Variants in SNX29 observed in about 807,000 individuals in gnomAD.
The protein encoded by SNX29 is sorting nexin-29.
Under a neutral mutation model 102.1 loss-of-function variants are expected in SNX29, and 78 were observed. The observed-to-expected ratio is 0.76, with a 90% CI of 0.64 to 0.92. The LOEUF (loss-of-function observed/expected upper bound fraction) is 0.92. SNX29 is among the 40% of genes least tolerant of loss of function. The probability of loss-of-function intolerance (pLI) is 0.00; values close to 1 mark genes in which losing one functional copy is unlikely to be tolerated. For missense variants in SNX29, 1,280 were observed against 1,061.7 expected, an observed-to-expected ratio of 1.21 and a Z score of -2.86; for synonymous variants, 580 against 414.5, an observed-to-expected ratio of 1.40 and a Z score of -4.85.
intron 19 of SNX29, among the ~76,000 whole-genome samples, chr16:12,513,173 C>T (rs1243836993): frequency 6.6e-6 from 1 of 151,480 alleles, no homozygotes; most frequent in African/African-American, 2.4e-5. Context: ...CTCTCCCCTC[C>T]CTCCCATACC....
At chr16:12,210,137 C>T (rs1178598227) in intron 14 of SNX29, among the ~76,000 whole-genome samples, 2 of 152,190 alleles carry the variant, frequency 1.3e-5, no homozygotes, top group Admixed American at 6.5e-5. Flanking sequence ...CATCCCACTA[C>T]GTCGGCTACT....
intron 16 of SNX29, among the ~76,000 whole-genome samples, chr16:12,358,403 C>G (rs912502326): frequency 8.5e-5 from 13 of 152,168 alleles, no homozygotes; most frequent in African/African-American, 3.1e-4. Flanking sequence ...AACCCCGTCT[C>G]TACTAAAAAT....
chr16:12,558,710 T>C (rs975032063), intron 20 of SNX29, among the ~76,000 whole-genome samples: 1 of 152,116 alleles, frequency 6.6e-6, no homozygotes, highest in Admixed American at 6.5e-5. Context: ...ATCCCGTTTC[T>C]ACGGGGGGCT....
intron 10 of SNX29, among the ~76,000 whole-genome samples, chr16:12,076,476 T>G (rs2051579337): frequency 1.3e-5 from 2 of 152,156 alleles, no homozygotes; most frequent in African/African-American, 4.8e-5. Context: ...AATTTTTGTA[T>G]TTTTCAGTAG....
At chr16:12,322,552 G>C (rs916270649) in intron 15 of SNX29, among the ~76,000 whole-genome samples, 15 of 152,212 alleles carry the variant, frequency 9.9e-5, no homozygotes, top group African/African-American at 3.6e-4. Context: ...CAAAAATCAG[G>C]AACTTATTAA....
At chr16:12,339,761 G>A (rs2081558990) in intron 15 of SNX29, among the ~76,000 whole-genome samples, 1 of 152,224 alleles carries the variant, frequency 6.6e-6, no homozygotes, top group South Asian at 2.1e-4. Context: ...TTCTCTCCCA[G>A]TAGCTCTAAC....
intron 17 of SNX29, among the ~76,000 whole-genome samples, chr16:12,401,999 A>G (rs1221390112): frequency 1.3e-5 from 2 of 152,266 alleles, no homozygotes; most frequent in Non-Finnish European, 2.9e-5. Context: ...AATAAAAACC[A>G]GAGTGCTACT....
At chr16:12,230,204 A>G (rs1176175205) in intron 14 of SNX29, among the ~76,000 whole-genome samples, 3 of 152,366 alleles carry the variant, frequency 2.0e-5, no homozygotes, top group South Asian at 4.1e-4. Flanking sequence ...TTTGCCTGCA[A>G]ACTGTCTTGA....
intron 20 of SNX29, among the ~76,000 whole-genome samples, chr16:12,534,937 G>C (rs2077032309): frequency 6.6e-6 from 1 of 152,194 alleles, no homozygotes; most frequent in African/African-American, 2.4e-5. Context: ...TCACAGGATG[G>C]CCTCCTCCCT....
intron 13 of SNX29, among the ~76,000 whole-genome samples, chr16:12,153,521 T>TGGA (rs1417573647): frequency 6.6e-6 from 1 of 151,228 alleles, no homozygotes; most frequent in African/African-American, 2.4e-5. Flanking sequence ...TTGCCCAGGC[T>TGGA]GGAGTGCAGT....
intron 20 of SNX29, chr16:12,561,244 T>G (rs2078707495): frequency 4.4e-6 from 1 of 229,866 alleles, no homozygotes; most frequent in Admixed American, 5.7e-5. Context: ...GCAAGGCCAC[T>G]CCCTCCCACT....
At chr16:12,272,224 G>C (rs1001661169) in intron 14 of SNX29, among the ~76,000 whole-genome samples, 2 of 152,154 alleles carry the variant, frequency 1.3e-5, no homozygotes, top group Admixed American at 1.3e-4. Flanking sequence ...GTCCTAGAGG[G>C]GCTGGTGCCT....
intron 10 of SNX29, among the ~76,000 whole-genome samples, chr16:12,071,551 C>A (rs1223460685): frequency 1.3e-5 from 2 of 152,152 alleles, no homozygotes; most frequent in Non-Finnish European, 2.9e-5. Context: ...GTACCAGTAC[C>A]ATGCTGTTTT....
intron 19 of SNX29, among the ~76,000 whole-genome samples, chr16:12,506,772 G>A (rs968108887): frequency 1.3e-5 from 2 of 152,204 alleles, no homozygotes; most frequent in East Asian, 1.9e-4. Flanking sequence ...CTGAGGAGGT[G>A]GAATCTGTCT....
At chr16:12,528,061 G>A (rs1246986642) in intron 20 of SNX29, among the ~76,000 whole-genome samples, 4 of 151,724 alleles carry the variant, frequency 2.6e-5, no homozygotes, top group Non-Finnish European at 4.4e-5. Flanking sequence ...TCCTGACCCC[G>A]TTATTCCCCC....
chr16:12,387,164 T>C (rs2083369788), intron 16 of SNX29, among the ~76,000 whole-genome samples: 1 of 151,996 alleles, frequency 6.6e-6, no homozygotes, highest in Non-Finnish European at 1.5e-5. Context: ...CACACCTAGA[T>C]TCCCATTACT....
chr16:12,051,862 A>T lies in SNX29; in HGVS notation c.764A>T (p.Lys255Met). 6.2e-7 allele frequency: 1 copy of T among 1,608,424 alleles called. No homozygotes were observed. The highest frequency in any genetic ancestry group is 8.5e-7 in the Non-Finnish European group (1 of 1,178,522). ...TTTTTGCCAGATGCCAAATGCAAAA[A>T]GGAGCGGAAGAAGAAAAAGAAAGTG... ...RNVSADAKCK[K>M]ERKKKKKVTN... The change falls in exon 8 of 21, where the codon AAG becomes ATG. Residue 255 changes from lysine (K) to methionine (M), a missense_variant. Coordinates refer to ENST00000566228, the MANE Select transcript of SNX29 (RefSeq NM_032167.5).
intron 5 of SNX29, among the ~76,000 whole-genome samples, chr16:12,044,665 G>T (rs2151188219): frequency 1.3e-5 from 2 of 152,124 alleles, no homozygotes; most frequent in South Asian, 4.2e-4. Context: ...TGTAACCTCT[G>T]CCTCCCGGCT....
intron 9 of SNX29, among the ~76,000 whole-genome samples, chr16:12,068,647 C>T (rs1474608308): frequency 1.3e-5 from 2 of 152,162 alleles, no homozygotes; most frequent in South Asian, 2.1e-4. Context: ...AGGGTTCAAG[C>T]GATTCTCCTG....
Sources: allele counts gnomAD v4.1 joint callset (sites outside exome capture counted in the v4.1 genomes callset), GRCh38; gene constraint gnomAD v4.1.1; transcripts MANE v1.5; gene names NCBI Gene and HGNC (gene_info 2026-07-23, HGNC 2026-07-21).